The following TYW1B variants were observed in gnomAD, a reference collection of about 807,000 sequenced individuals.
The protein encoded by TYW1B is S-adenosyl-L-methionine-dependent tRNA 4-demethylwyosine synthase TYW1B.
A neutral mutation model predicts 86.9 loss-of-function variants in TYW1B; 73 were observed. The observed-to-expected ratio is 0.84, with a 90% CI of 0.70 to 1.02. The LOEUF is 1.02. Ranked by LOEUF, TYW1B falls within the 50% of genes least tolerant of loss-of-function variation. The pLI is 0.00. For missense variants in TYW1B, 637 were observed against 827.4 expected, an observed-to-expected ratio of 0.77 and a Z score of 2.82; for synonymous variants, 248 against 292.8, an observed-to-expected ratio of 0.85 and a Z score of 1.56.
intron 9 of TYW1B, among the ~76,000 whole-genome samples, chr7:72,728,526 C>T (rs528558051): frequency 1.3e-5 from 2 of 152,202 alleles, no homozygotes; most frequent in African/African-American, 4.8e-5. Context: ...AGGCTCATCT[C>T]GAACTCCTGA....
At chr7:72,697,460 G>A (rs1814349702) in intron 10 of TYW1B, among the ~76,000 whole-genome samples, 2 of 152,134 alleles carry the variant, frequency 1.3e-5, no homozygotes, top group Admixed American at 1.3e-4. Flanking sequence ...TCATTTCTAA[G>A]GGGCTCAAAA....
intron 11 of TYW1B, among the ~76,000 whole-genome samples, chr7:72,684,782 T>C (rs1813966128): frequency 6.6e-6 from 1 of 152,026 alleles, no homozygotes. Flanking sequence ...ATGGCAATGA[T>C]ACAAGGACAG....
chr7:72,599,683 G>A (rs1311849706), intron 13 of TYW1B, among the ~76,000 whole-genome samples: 1 of 152,042 alleles, frequency 6.6e-6, no homozygotes. Flanking sequence ...GGTGATTATA[G>A]CAAGGTTGTA....
At chr7:72,616,542 T>G in intron 13 of TYW1B, 130 bp downstream of exon 13, 4 of 1,412,112 alleles carry the variant, frequency 2.8e-6, no homozygotes, top group Non-Finnish European at 3.9e-6. Context: ...GCTTTCTTAT[T>G]TTTGTTTTGG....
chr7:72,590,286 G>A (rs576422741), intron 13 of TYW1B, among the ~76,000 whole-genome samples: 1 of 152,328 alleles, frequency 6.6e-6, no homozygotes, highest in East Asian at 1.9e-4. Context: ...TACATGTTAT[G>A]GGAGCAGCTT....
At chr7:72,645,329 T>C (rs1473844818) in intron 11 of TYW1B, among the ~76,000 whole-genome samples, 7 of 152,190 alleles carry the variant, frequency 4.6e-5, no homozygotes, top group South Asian at 2.1e-4. Context: ...AAAAGAAACA[T>C]TGACCAAAGC....
intron 2 of TYW1B, among the ~76,000 whole-genome samples, chr7:72,817,256 T>C (rs1409071232): frequency 6.6e-6 from 1 of 151,814 alleles, no homozygotes; most frequent in Non-Finnish European, 1.5e-5. Flanking sequence ...ATACAAAAAT[T>C]AGCCGGGAGT....
At chr7:72,722,672 G>A (rs1786925822) in intron 9 of TYW1B, among the ~76,000 whole-genome samples, 1 of 152,180 alleles carries the variant, frequency 6.6e-6, no homozygotes, top group Non-Finnish European at 1.5e-5. Flanking sequence ...GAAAACATCA[G>A]GAATTATCTT....
At chr7:72,658,253 T>TAAA (rs782693151) in intron 11 of TYW1B, among the ~76,000 whole-genome samples, 2 of 77,082 alleles carry the variant, frequency 2.6e-5, no homozygotes. Flanking sequence ...TCCGTCTCAA[T>TAAA]AAAAAAAAAA....
At chr7:72,809,570 T>C (rs1788562015) in intron 4 of TYW1B, among the ~76,000 whole-genome samples, 1 of 152,132 alleles carries the variant, frequency 6.6e-6, no homozygotes, top group Non-Finnish European at 1.5e-5. Context: ...GGAGGATCCC[T>C]TCAGCCTAGG....
At chr7:72,575,741 A>G (rs1366547652) in intron 13 of TYW1B, 22 bp from the exon 14 acceptor site, 8 of 1,586,798 alleles carry the variant, frequency 5.0e-6, no homozygotes, top group African/African-American at 1.4e-5. Context: ...AAAATGTGTC[A>G]AGTCAGAAGT....
intron 10 of TYW1B, among the ~76,000 whole-genome samples, chr7:72,697,354 T>C (rs1156566983): frequency 6.6e-6 from 1 of 150,994 alleles, no homozygotes; most frequent in Non-Finnish European, 1.5e-5. Flanking sequence ...CAATACCAGA[T>C]GTCTGAGATG....
Position 72,694,789 on chromosome 7 carries a change from A to G in TYW1B, c.1404T>C (p.Ser468=). The G allele has an allele frequency of 1.2e-6, 2 of 1,608,996 alleles. No homozygotes were observed. The highest frequency in any genetic ancestry group is 1.1e-5 in the South Asian group (1 of 89,348). Residue 468 remains serine, a synonymous_variant, in exon 11 of 14, where the codon AGT becomes AGC. Coordinates refer to ENST00000620995, the MANE Select transcript of TYW1B (RefSeq NM_001145440.3). ...GGCTGTCTTTGGTACTGGCATCCAC[A>G]CTGACATACAGCTGAGTAACTGGCT... is the stretch of plus-strand genomic sequence containing the variant. ...NLEPVTQLYV[S]VDASTKDSLK...
rs116084459 is a variant in TYW1B at position 72,816,150 on chromosome 7, C to T, written c.136-669G>A. 6.6e-3 allele frequency among the ~76,000 whole-genome samples: 1,007 copies of T among 152,214 alleles called. 15 individuals carry two copies. Among genetic ancestry groups the T allele is most frequent in the African/African-American group, 0.021 (869 of 41,538 alleles). On this transcript the variant is annotated intron_variant, in intron 2 of 13. Coordinates refer to ENST00000620995, the MANE Select transcript of TYW1B (RefSeq NM_001145440.3). Reference sequence around the variant, plus strand: ...CCAGTACCTTGGGAGGCCGATGCGGCTGGATCACTTGAAGTCAGGAATTCG... The same window carrying T: ...CCAGTACCTTGGGAGGCCGATGCGGTTGGATCACTTGAAGTCAGGAATTCG...
intron 11 of TYW1B, among the ~76,000 whole-genome samples, chr7:72,649,487 C>G (rs1194682687): frequency 6.6e-6 from 1 of 152,136 alleles, no homozygotes; most frequent in Non-Finnish European, 1.5e-5. Context: ...CTCAGACTCC[C>G]ATGACTTCAA....
chr7:72,756,355 C>G (rs1787589172), intron 7 of TYW1B, among the ~76,000 whole-genome samples: 1 of 152,004 alleles, frequency 6.6e-6, no homozygotes, highest in Non-Finnish European at 1.5e-5. Context: ...CCGCCTCAGC[C>G]TCCCAAGTAG....
chr7:72,769,100 A>G, intron 7 of TYW1B: 1 of 386,500 alleles, frequency 2.6e-6, no homozygotes, highest in Non-Finnish European at 4.8e-6. Context: ...ATGGGCATGC[A>G]GCAGTTTGGC....
At chr7:72,795,201 G>T (rs1455046079) in intron 6 of TYW1B, among the ~76,000 whole-genome samples, 1 of 151,742 alleles carries the variant, frequency 6.6e-6, no homozygotes, top group Non-Finnish European at 1.5e-5. Context: ...TAACAAATAG[G>T]CTGGGTGACA....
At chr7:72,669,751 T>G (rs1351993826) in intron 11 of TYW1B, among the ~76,000 whole-genome samples, 1 of 150,390 alleles carries the variant, frequency 6.6e-6, no homozygotes, top group East Asian at 2.0e-4. Flanking sequence ...GACTGGGTGA[T>G]AAAGCGAGGC....
Sources: allele counts gnomAD v4.1 joint callset (sites outside exome capture counted in the v4.1 genomes callset), GRCh38; gene constraint gnomAD v4.1.1; transcripts MANE v1.5; gene names NCBI Gene and HGNC (gene_info 2026-07-23, HGNC 2026-07-21).